The following BPHL variants were observed in gnomAD, a reference collection of about 807,000 sequenced individuals.
The protein encoded by BPHL is serine hydrolase BPHL.
Under a neutral mutation model 31.2 loss-of-function variants are expected in BPHL, and 27 were observed. The observed-to-expected ratio is 0.87, with a 90% CI of 0.64 to 1.19. The LOEUF (loss-of-function observed/expected upper bound fraction) is 1.19. BPHL is among the 50% of genes most tolerant of loss of function. The pLI is 0.00. For synonymous variants in BPHL, 150 were observed against 146.8 expected, an observed-to-expected ratio of 1.02 and a Z score of -0.16; for missense variants, 356 against 375.7, an observed-to-expected ratio of 0.95 and a Z score of 0.43.
chr6:3,120,537 A>C (rs1457940214), intron 1 of BPHL, among the ~76,000 whole-genome samples: 1 of 152,222 alleles, frequency 6.6e-6, no homozygotes, highest in African/African-American at 2.4e-5. Context: ...CCTGAAATGC[A>C]GCTGTAGCTC....
chr6:3,140,587 C>G lies in BPHL; in HGVS notation c.788+78C>G. On this transcript the variant is annotated intron_variant, in intron 6 of 6. Coordinates refer to ENST00000380379, the MANE Select transcript of BPHL (RefSeq NM_004332.4). This position sits in a 1 kb window ranked among gnomAD's most constrained non-coding sequence, Gnocchi z 5.2. ...GCAAAGCTACTGGAAGGAAAATAAC[C>G]AAGAGGAGTTGGAGTTTTAGAGTGC... The G allele has an allele frequency of 6.3e-7, 1 of 1,588,216 alleles. No individual in the cohort carries two copies. Among genetic ancestry groups the G allele is most frequent in the Non-Finnish European group, 8.6e-7 (1 of 1,168,648 alleles).
At chr6:3,137,264 G>A (rs1762037438) in intron 4 of BPHL, 98 bp from the exon 5 acceptor site, 1 of 1,440,330 alleles carries the variant, frequency 6.9e-7, no homozygotes, top group Admixed American at 1.9e-5. Flanking sequence ...ACGAGACAGT[G>A]AGCGCATGGG....
At chr6:3,137,908 G>T in intron 5 of BPHL, 3 of 1,021,640 alleles carry the variant, frequency 2.9e-6, no homozygotes, top group Non-Finnish European at 4.0e-6. Context: ...TCCCCACGAG[G>T]ACACTGTTAA....
At chr6:3,142,390 T>C (rs1762203519) in intron 6 of BPHL, among the ~76,000 whole-genome samples, 1 of 152,222 alleles carries the variant, frequency 6.6e-6, no homozygotes, top group Non-Finnish European at 1.5e-5. Context: ...GTGCTGGGAT[T>C]ACAGGCATGA....
At chr6:3,122,237 G>A (rs1017043893) in intron 1 of BPHL, among the ~76,000 whole-genome samples, 3 of 152,152 alleles carry the variant, frequency 2.0e-5, no homozygotes, top group Non-Finnish European at 2.9e-5. Context: ...CCGAGATGGC[G>A]CCACTGCACT....
In BPHL at chr6:3,138,288, G is replaced by A. The variant is rs1762069402; in HGVS notation, c.664+795G>A. Reference sequence around the variant, plus strand: ...CCACCTTGGCCCTCCCAATTGCTGGGATTACAGGCCTGAGACACCATGCCC... The same window carrying A: ...CCACCTTGGCCCTCCCAATTGCTGGAATTACAGGCCTGAGACACCATGCCC... On this transcript the variant is annotated intron_variant, in intron 5 of 6. Coordinates refer to ENST00000380379, the MANE Select transcript of BPHL (RefSeq NM_004332.4). The A allele has an allele frequency of 1.3e-5, 3 of 226,794 alleles. No homozygotes were observed. In the South Asian group the frequency reaches 1.4e-4, roughly 11 times the overall value. The allele number at this position is 226,794 out of a possible 1,614,324, so 14.0% of individuals were successfully genotyped here.
intron 4 of BPHL, among the ~76,000 whole-genome samples, chr6:3,134,118 A>G (rs557258912): frequency 1.3e-5 from 2 of 152,308 alleles, no homozygotes; most frequent in African/African-American, 2.4e-5. Flanking sequence ...CTTCTGTATT[A>G]TATCCATGTA....
At chr6:3,132,896 T>A (rs1439308133) in intron 4 of BPHL, among the ~76,000 whole-genome samples, 3 of 152,206 alleles carry the variant, frequency 2.0e-5, no homozygotes, top group Admixed American at 1.3e-4. Context: ...GAGTTCTCAC[T>A]ATGTTGCCTT....
At chr6:3,119,371 C>T (rs903628511) in intron 1 of BPHL, 15 of 1,582,904 alleles carry the variant, frequency 9.5e-6, no homozygotes, top group Admixed American at 5.4e-5. Flanking sequence ...GATCTCGTAC[C>T]TTAATGTGCA....
In BPHL at chr6:3,141,091, G is replaced by A. The variant is rs189690048; in HGVS notation, c.788+582G>A. On this transcript the variant is annotated intron_variant, in intron 6 of 6. Transcript: ENST00000380379. ...GATTTCTCAGAGAATTTTTAAAGGAGGAAAAAAAGTTTCTTTTCTATAATA... is the reference window on the plus strand; with the variant it reads ...GATTTCTCAGAGAATTTTTAAAGGAAGAAAAAAAGTTTCTTTTCTATAATA... 2.4e-3 allele frequency among the ~76,000 whole-genome samples: 372 copies of A among 151,972 alleles called. 2 individuals are homozygous for A. The highest frequency in any genetic ancestry group is 8.4e-3 in the African/African-American group (348 of 41,458).
chr6:3,135,628 T>A (rs1352745137), intron 4 of BPHL, among the ~76,000 whole-genome samples: 1 of 152,208 alleles, frequency 6.6e-6, no homozygotes, highest in Non-Finnish European at 1.5e-5. Context: ...CGAGCGGACT[T>A]TTGTAAACCT....
intron 4 of BPHL, among the ~76,000 whole-genome samples, chr6:3,136,467 A>G (rs752562905): frequency 1.3e-5 from 2 of 152,180 alleles, no homozygotes; most frequent in African/African-American, 2.4e-5. Flanking sequence ...CTGTCCTGTA[A>G]TGGGGGATCC....
intron 6 of BPHL, among the ~76,000 whole-genome samples, chr6:3,146,983 A>G (rs561369793): frequency 6.6e-6 from 1 of 152,192 alleles, no homozygotes; most frequent in Non-Finnish European, 1.5e-5. Context: ...GCATGACAAT[A>G]CCTATCATCT....
chr6:3,140,223 GTTA>G lies in BPHL; in HGVS notation c.665-162_665-160del. ...AAACAGAAAAGGGAACCCAAAGAAT[GTTA>G]GAGCTGGAAGGAATCCCAGGCACGG... On this transcript the variant is annotated intron_variant, in intron 5 of 6. Coordinates refer to ENST00000380379, the MANE Select transcript of BPHL (RefSeq NM_004332.4). This position sits in a 1 kb window ranked among gnomAD's most constrained non-coding sequence, Gnocchi z 5.2. The G allele has an allele frequency of 1.2e-6, 1 of 826,952 alleles. No individual in the cohort carries two copies. Among genetic ancestry groups the G allele is most frequent in the Non-Finnish European group, 1.8e-6 (1 of 549,492 alleles). 51.2% of individuals were successfully genotyped at this position (826,952 alleles called of 1,614,324 possible). A position where few individuals can be genotyped will look rare whatever the true frequency, so the allele number is the denominator to read the frequency against.
intron 3 of BPHL, among the ~76,000 whole-genome samples, chr6:3,128,722 G>A (rs1443441190): frequency 6.6e-6 from 1 of 152,220 alleles, no homozygotes; most frequent in Non-Finnish European, 1.5e-5. Flanking sequence ...ACGTGCACAC[G>A]CATACACACG....
At chr6:3,124,114 G>A (rs1289738823) in intron 2 of BPHL, 2 of 156,400 alleles carry the variant, frequency 1.3e-5, no homozygotes, top group Non-Finnish European at 2.8e-5. Flanking sequence ...GGCGTTGGGG[G>A]ATTTTCCAGG....
chr6:3,123,086 C>T (rs1184293921), intron 1 of BPHL, among the ~76,000 whole-genome samples: 2 of 152,246 alleles, frequency 1.3e-5, no homozygotes, highest in Non-Finnish European at 2.9e-5. Context: ...GAGCAAGCCG[C>T]CTAGGGTTTT....
At chr6:3,134,382 G>T (rs1761950760) in intron 4 of BPHL, among the ~76,000 whole-genome samples, 4 of 150,288 alleles carry the variant, frequency 2.7e-5, no homozygotes, top group African/African-American at 7.4e-5. Flanking sequence ...ACTACTTAAT[G>T]TAAGGAAATG....
At chr6:3,121,889 G>A (rs536439698) in intron 1 of BPHL, among the ~76,000 whole-genome samples, 2 of 152,228 alleles carry the variant, frequency 1.3e-5, no homozygotes, top group East Asian at 3.9e-4. Context: ...ACTTGAGACT[G>A]GCAAATAAGA....
Sources: allele counts gnomAD v4.1 joint callset (sites outside exome capture counted in the v4.1 genomes callset), GRCh38; gene constraint gnomAD v4.1.1; non-coding constraint Gnocchi (gnomAD v3.1); transcripts MANE v1.5; gene names NCBI Gene and HGNC (gene_info 2026-07-23, HGNC 2026-07-21).